Variants in RPH3A observed in about 807,000 individuals in gnomAD.
RPH3A encodes rabphilin 3A.
A neutral mutation model predicts 102.2 loss-of-function variants in RPH3A; 48 were observed. The ratio of observed to expected loss-of-function variants is 0.47; its 90% confidence interval spans 0.37 to 0.60. The LOEUF (loss-of-function observed/expected upper bound fraction) is 0.60. Among genes scored for constraint, RPH3A ranks in the 20% least tolerant of loss-of-function variants. RPH3A has a pLI of 0.00. For synonymous variants in RPH3A, 310 were observed against 324.3 expected (o/e 0.96, Z 0.47); for missense variants, 781 against 910.1 (o/e 0.86, Z 1.83).
intron 1 of RPH3A, among the ~76,000 whole-genome samples, chr12:112,682,355 C>CTTTTTTTT (rs35365778): frequency 2.6e-5 from 3 of 116,532 alleles, no homozygotes; most frequent in Non-Finnish European, 1.8e-5. Context: ...TTCTTTCTTT[C>CTTTTTTTT]TTTTTTTTTT....
intron 1 of RPH3A, among the ~76,000 whole-genome samples, chr12:112,702,759 A>G (rs184063233): frequency 2.3e-4 from 35 of 152,388 alleles, no homozygotes. Flanking sequence ...CAAGTGAGAC[A>G]CATGCCATTA....
chr12:112,777,153 C>T (rs183737521), intron 1 of RPH3A, among the ~76,000 whole-genome samples: 5 of 152,270 alleles, frequency 3.3e-5, no homozygotes, highest in Admixed American at 3.3e-4. Flanking sequence ...AATATTAGCA[C>T]CTACTTCTTA....
intron 15 of RPH3A, 33 bp downstream of exon 15, chr12:112,881,879 G>A: frequency 1.3e-6 from 2 of 1,568,314 alleles, no homozygotes; most frequent in Non-Finnish European, 1.7e-6. Flanking sequence ...CTGCAAACCG[G>A]GTGCATGGGC....
chr12:112,793,256 G>A (rs2041159231), intron 2 of RPH3A, among the ~76,000 whole-genome samples: 1 of 152,222 alleles, frequency 6.6e-6, no homozygotes, highest in Non-Finnish European at 1.5e-5. Flanking sequence ...ATCAAAAGGG[G>A]ATTTCACTTT....
intron 19 of RPH3A, chr12:112,893,792 G>C (rs1250786664): frequency 6.6e-6 from 1 of 152,298 alleles, no homozygotes; most frequent in Non-Finnish European, 1.5e-5. Context: ...GCCTCCTAAA[G>C]TGCAGAGATT....
chr12:112,607,851 G>A (rs759377895), intron 1 of RPH3A, among the ~76,000 whole-genome samples: 1 of 152,078 alleles, frequency 6.6e-6, no homozygotes, highest in Admixed American at 6.6e-5. Flanking sequence ...TTCTTTGCTC[G>A]ACATGTAGTT....
At chr12:112,851,669 G>A (rs1287516425) in intron 5 of RPH3A, among the ~76,000 whole-genome samples, 2 of 152,142 alleles carry the variant, frequency 1.3e-5, no homozygotes, top group African/African-American at 2.4e-5. Flanking sequence ...GAGCTCATGG[G>A]CTTCTGCCAG....
chr12:112,877,945 A>G (rs3782871), intron 13 of RPH3A, among the ~76,000 whole-genome samples: 46,343 of 152,118 alleles, frequency 0.3, 8,486 homozygotes, highest in East Asian at 0.51. Context: ...AGTTGCTTTT[A>G]TAACTCTCAT....
At chr12:112,727,239 C>A (rs918246212) in intron 1 of RPH3A, among the ~76,000 whole-genome samples, 1 of 150,174 alleles carries the variant, frequency 6.7e-6, no homozygotes, top group South Asian at 2.1e-4. Flanking sequence ...ATCAATCCCA[C>A]GTGCTGGGAT....
intron 1 of RPH3A, among the ~76,000 whole-genome samples, chr12:112,644,875 T>C (rs79366294): frequency 0.03 from 4,601 of 152,160 alleles, 175 homozygotes; most frequent in South Asian, 0.11. Flanking sequence ...GCTCATTACA[T>C]GGAAAGAAAC....
At chr12:112,685,350 T>A (rs1386834833) in intron 1 of RPH3A, among the ~76,000 whole-genome samples, 1 of 152,128 alleles carries the variant, frequency 6.6e-6, no homozygotes, top group Non-Finnish European at 1.5e-5. Flanking sequence ...ACATGTGAAT[T>A]TGGGGAGACA....
intron 1 of RPH3A, among the ~76,000 whole-genome samples, chr12:112,740,763 G>A (rs551703114): frequency 1.2e-4 from 18 of 152,262 alleles, no homozygotes; most frequent in African/African-American, 3.9e-4. Flanking sequence ...ATTCAGGCGC[G>A]GAGTTCCATT....
intron 14 of RPH3A, among the ~76,000 whole-genome samples, chr12:112,880,212 G>A (rs556200812): frequency 6.6e-6 from 1 of 152,130 alleles, no homozygotes; most frequent in African/African-American, 2.4e-5. Context: ...GCATTTATTG[G>A]ACATCTATTA....
At position 112,718,638 on chromosome 12, in the gene RPH3A, G is replaced by A. The variant is rs143065616; in HGVS notation, c.-139-73505G>A. 2.4e-3 allele frequency among the ~76,000 whole-genome samples: 360 copies of A among 152,304 alleles called. 1 individual carries two copies. The highest frequency in any genetic ancestry group is 8.1e-3 in the African/African-American group (337 of 41,544). On this transcript the variant is annotated intron_variant, in intron 1 of 21. Transcript: ENST00000543106. Reference sequence around the variant, plus strand: ...TGCGCGTTGCTGAGGGGAGTAGATCGTCTACTGGCCATGTTGGGGCAGAAA... The same window carrying A: ...TGCGCGTTGCTGAGGGGAGTAGATCATCTACTGGCCATGTTGGGGCAGAAA...
intron 1 of RPH3A, among the ~76,000 whole-genome samples, chr12:112,751,611 A>G (rs1207082764): frequency 2.0e-5 from 3 of 152,182 alleles, no homozygotes; most frequent in Non-Finnish European, 4.4e-5. Context: ...AGAGTCAGAT[A>G]AATGCCTAAA....
At chr12:112,842,846 G>A (rs1277830841) in intron 4 of RPH3A, among the ~76,000 whole-genome samples, 2 of 152,312 alleles carry the variant, frequency 1.3e-5, no homozygotes, top group East Asian at 3.9e-4. Flanking sequence ...CTTCCCAAGG[G>A]CCCTGTGATG....
intron 1 of RPH3A, among the ~76,000 whole-genome samples, chr12:112,627,019 T>C (rs1260000151): frequency 9.2e-6 from 1 of 108,186 alleles, no homozygotes; most frequent in Non-Finnish European, 1.8e-5. Flanking sequence ...TGAGATCACA[T>C]GGACACAGGA....
At position 112,664,112 on chromosome 12, in the gene RPH3A, G is replaced by A. The variant is rs115381810; in HGVS notation, c.-140+88793G>A. On this transcript the variant is annotated intron_variant, in intron 1 of 21. Transcript: ENST00000543106. The stretch of plus-strand genomic sequence containing the variant: ...GTCTTGAAGAATATGTAGGTAAAAG[G>A]TCAAAATATTTCAGGACAAGGGAAG... Among the ~76,000 whole-genome samples, 986 of 152,256 alleles carry A rather than the reference G, an allele frequency of 6.5e-3. 17 individuals carry two copies. Among genetic ancestry groups the A allele is most frequent in the African/African-American group, 0.023 (960 of 41,556 alleles).
At chr12:112,808,400 C>A (rs1027991043) in intron 2 of RPH3A, among the ~76,000 whole-genome samples, 1 of 152,204 alleles carries the variant, frequency 6.6e-6, no homozygotes, top group Non-Finnish European at 1.5e-5. Flanking sequence ...AGAAGACCTG[C>A]ATTGCAGGCA....
Sources: gnomAD v4.1 joint callset for allele counts (sites outside exome capture counted in the v4.1 genomes callset) on GRCh38, gnomAD v4.1.1 for gene constraint, MANE v1.5 for transcripts, NCBI Gene and HGNC (gene_info 2026-07-23, HGNC 2026-07-21) for gene names.